EPB41L1: variants seen among roughly 807,000 people sequenced by gnomAD.
EPB41L1 encodes the protein band 4.1-like protein 1.
Under a neutral mutation model 97.8 loss-of-function variants are expected in EPB41L1, and 29 were observed. The observed-to-expected ratio is 0.30, with a 90% confidence interval of 0.22 to 0.40. The LOEUF (loss-of-function observed/expected upper bound fraction) is 0.40. Ranked by LOEUF, EPB41L1 falls within the 10% of genes least tolerant of loss-of-function variation. EPB41L1 has a pLI of 1.00. For missense variants in EPB41L1, 812 were observed against 1,162.3 expected, an observed-to-expected ratio of 0.70 and a Z score of 4.38; for synonymous variants, 383 against 459.2, an observed-to-expected ratio of 0.83 and a Z score of 2.12.
chr20:36,206,800 C>T lies in EPB41L1; in HGVS notation c.1669-2688C>T, dbSNP rs1411378267. On this transcript the variant is annotated intron_variant, in intron 14 of 21. Coordinates refer to ENST00000338074, the MANE Select transcript of EPB41L1 (RefSeq NM_012156.2). This position sits in a 1 kb window ranked among gnomAD's most constrained non-coding sequence, Gnocchi z 5.5. ...TCCCCACCTGACAGCCAGCGCAGCC[C>T]GAGAGGAAGGGACCCCCGTGAGTGG... is the stretch of plus-strand genomic sequence containing the variant. 10 of 1,289,814 alleles carry T rather than the reference C, an allele frequency of 7.8e-6. No individual in the cohort carries two copies. Among genetic ancestry groups the T allele is most frequent in the Non-Finnish European group, 1.0e-5 (10 of 988,868 alleles). The allele number at this position is 1,289,814 out of a possible 1,614,324, so 79.9% of individuals were successfully genotyped here. A position where few individuals can be genotyped will look rare whatever the true frequency, so the allele number is the denominator to read the frequency against.
intron 2 of EPB41L1, chr20:36,148,649 C>G (rs2059929087): frequency 6.6e-6 from 1 of 152,260 alleles, no homozygotes. Flanking sequence ...TCTTACTGTG[C>G]TCTGTGGAGA....
chr20:36,202,591 C>T (rs1241110682), intron 14 of EPB41L1, among the ~76,000 whole-genome samples: 5 of 151,632 alleles, frequency 3.3e-5, no homozygotes, highest in Non-Finnish European at 7.4e-5. Context: ...GTCAGGAGTT[C>T]GAGACCAGCC....
At chr20:36,155,558 C>T (rs1231880823) in intron 1 of EPB41L1, 6 of 455,822 alleles carry the variant, frequency 1.3e-5, no homozygotes, top group South Asian at 7.8e-5. Flanking sequence ...CAGGGATGGG[C>T]ATGGGGGGCC....
intron 1 of EPB41L1, among the ~76,000 whole-genome samples, chr20:36,106,074 G>T (rs1262354611): frequency 6.6e-6 from 1 of 152,082 alleles, no homozygotes; most frequent in East Asian, 1.9e-4. Flanking sequence ...AGGTGTGGGG[G>T]AGGGCAGGGT....
At chr20:36,129,466 C>A (rs1405234209) in intron 2 of EPB41L1, among the ~76,000 whole-genome samples, 1 of 152,100 alleles carries the variant, frequency 6.6e-6, no homozygotes, top group Non-Finnish European at 1.5e-5. Context: ...ATTGTTAGAT[C>A]ATTCTTGGCA....
Position 36,207,370 on chromosome 20 carries a change from A to T in EPB41L1, c.1669-2118A>T. 7.8e-7 allele frequency: 1 copy of T among 1,289,140 alleles called. No homozygotes were observed. The highest frequency in any genetic ancestry group is 1.2e-5 in the South Asian group (1 of 81,000). The allele number at this position is 1,289,140 out of a possible 1,614,324, so 79.9% of individuals were successfully genotyped here. ...TCTGGGGTTTGGGTTCCCTTCAGGG[A>T]AGCGAAGGGAGATGACCTCTTTCCA... On this transcript the variant is annotated intron_variant, in intron 14 of 21. Transcript: ENST00000338074. This position sits in a 1 kb window ranked among gnomAD's most constrained non-coding sequence, Gnocchi z 4.9.
At chr20:36,105,032 C>T (rs895938454) in intron 1 of EPB41L1, among the ~76,000 whole-genome samples, 13 of 152,090 alleles carry the variant, frequency 8.5e-5, no homozygotes, top group Admixed American at 3.9e-4. Context: ...GGGCCGGAGC[C>T]GTCATCATTC....
chr20:36,206,497 T>C lies in EPB41L1; in HGVS notation c.1669-2991T>C, dbSNP rs1406558291. 7.8e-7 allele frequency: 1 copy of C among 1,289,690 alleles called. No homozygotes were observed. 79.9% of individuals were successfully genotyped at this position (1,289,690 alleles called of 1,614,324 possible). A position where few individuals can be genotyped will look rare whatever the true frequency, so the allele number is the denominator to read the frequency against. ...CTATTTAAATTATGAAGAAAAAGAC[T>C]CAGAAGACCAAGTCCTCCCTCCACC... is the stretch of plus-strand genomic sequence containing the variant. On this transcript the variant is annotated intron_variant, in intron 14 of 21. Transcript: ENST00000338074. The surrounding 1 kb of genome is among the most constrained non-coding windows in gnomAD (Gnocchi z 5.5).
chr20:36,132,568 G>A (rs13039461), intron 2 of EPB41L1, among the ~76,000 whole-genome samples: 2 of 49,640 alleles, frequency 4.0e-5, no homozygotes, highest in Non-Finnish European at 1.0e-4. Context: ...CTTTGTGGGC[G>A]GGGGGGGGGG....
At chr20:36,119,500 G>A (rs28449815) in intron 2 of EPB41L1, among the ~76,000 whole-genome samples, 3,638 of 152,256 alleles carry the variant, frequency 0.024, 103 homozygotes, top group East Asian at 0.13. Flanking sequence ...TACTCAGGAG[G>A]CTGAAGCAGG....
chr20:36,221,723 G>GA (rs1328859959), intron 19 of EPB41L1, 141 bp from the exon 20 acceptor site: 4 of 764,478 alleles, frequency 5.2e-6, no homozygotes, highest in Non-Finnish European at 2.3e-6. Context: ...AATCAGAAAA[G>GA]AAAAAATCTG....
chr20:36,206,103 G>A lies in EPB41L1; in HGVS notation c.1669-3385G>A, dbSNP rs1318279918. ...TGATTGCAAGTCCTGAAGACTTTGA[G>A]TCAGTGGGGGAGGAAGGCCCCTGGA... On this transcript the variant is annotated intron_variant, in intron 14 of 21. Transcript: ENST00000338074. The surrounding 1 kb of genome is among the most constrained non-coding windows in gnomAD (Gnocchi z 5.5). The A allele has an allele frequency of 2.3e-6, 3 of 1,289,906 alleles. No homozygotes were observed. The highest frequency in any genetic ancestry group is 2.3e-5 in the Admixed American group (1 of 43,574). The allele number at this position is 1,289,906 out of a possible 1,614,324, so 79.9% of individuals were successfully genotyped here.
intron 11 of EPB41L1, among the ~76,000 whole-genome samples, chr20:36,193,279 C>T (rs1352113376): frequency 6.6e-6 from 1 of 152,310 alleles, no homozygotes; most frequent in Non-Finnish European, 1.5e-5. Context: ...TTGATGTCTC[C>T]AGTCATCCTC....
At chr20:36,192,715 G>C (rs1415248678) in intron 11 of EPB41L1, among the ~76,000 whole-genome samples, 1 of 152,060 alleles carries the variant, frequency 6.6e-6, no homozygotes, top group Non-Finnish European at 1.5e-5. Flanking sequence ...AATAGGTTTG[G>C]TCCTTTCCTT....
intron 14 of EPB41L1, among the ~76,000 whole-genome samples, chr20:36,204,039 C>T (rs1340070105): frequency 6.6e-6 from 1 of 152,194 alleles, no homozygotes; most frequent in Non-Finnish European, 1.5e-5. Context: ...CTGGGCATGT[C>T]TCCCTGTGGA....
intron 1 of EPB41L1, among the ~76,000 whole-genome samples, chr20:36,164,148 C>T (rs2060641716): frequency 1.3e-5 from 2 of 152,128 alleles, no homozygotes. Context: ...CCGGCCCCTG[C>T]CAGTGTCTTC....
intron 1 of EPB41L1, among the ~76,000 whole-genome samples, chr20:36,170,698 T>G (rs2060951208): frequency 6.6e-6 from 1 of 151,666 alleles, no homozygotes; most frequent in African/African-American, 2.4e-5. Flanking sequence ...ATCTGGGGAG[T>G]CTGGAGGCTG....
At chr20:36,145,176 T>A (rs2145370745) in intron 2 of EPB41L1, among the ~76,000 whole-genome samples, 1 of 152,046 alleles carries the variant, frequency 6.6e-6, no homozygotes, top group South Asian at 2.1e-4. Flanking sequence ...GATCACGAGG[T>A]CAGGAGTTCA....
chr20:36,194,311 A>G lies in EPB41L1; in HGVS notation c.1400A>G (p.Glu467Gly), dbSNP rs767197304. The change falls in exon 12 of 22, where the codon GAG becomes GGG. Residue 467 changes from glutamate (E) to glycine (G), a missense_variant. Physicochemically the swap from Glu to Gly is moderately conservative, Grantham distance 98. Coordinates refer to ENST00000338074, the MANE Select transcript of EPB41L1 (RefSeq NM_012156.2). ...GGCGAGTCTGGGGGGCAACGGTCAGAGGCTGAGGAGGGAGAGGTCAGGACT... is the reference window on the plus strand; with the variant it reads ...GGCGAGTCTGGGGGGCAACGGTCAGGGGCTGAGGAGGGAGAGGTCAGGACT... ...EDGESGGQRS[E>G]AEEGEVRTPT... 1 of 1,614,090 alleles carries G rather than the reference A, an allele frequency of 6.2e-7. No homozygotes were observed. The highest frequency in any genetic ancestry group is 8.5e-7 in the Non-Finnish European group (1 of 1,179,984).
Sources: gnomAD v4.1 joint callset for allele counts (sites outside exome capture counted in the v4.1 genomes callset) on GRCh38, gnomAD v4.1.1 for gene constraint, Gnocchi (gnomAD v3.1) non-coding constraint, MANE v1.5 for transcripts, NCBI Gene and HGNC (gene_info 2026-07-23, HGNC 2026-07-21) for gene names.